Variants in SNX8 observed in about 807,000 individuals in gnomAD.
SNX8 encodes the protein sorting nexin 8, also known as sorting nexin-8.
A neutral mutation model predicts 51.6 loss-of-function variants in SNX8; 25 were observed. The ratio of observed to expected loss-of-function variants is 0.48; its 90% CI spans 0.35 to 0.68. SNX8 has a LOEUF of 0.68. SNX8 is among the 30% of genes least tolerant of loss of function. The probability of loss-of-function intolerance (pLI) is 0.00; values close to 1 mark genes in which losing one functional copy is unlikely to be tolerated. For synonymous variants in SNX8, 324 were observed against 277.0 expected, an observed-to-expected ratio of 1.17 and a Z score of -1.68; for missense variants, 695 against 624.0, an observed-to-expected ratio of 1.11 and a Z score of -1.21.
intron 1 of SNX8, among the ~76,000 whole-genome samples, chr7:2,329,913 C>T (rs1257856263): frequency 6.6e-6 from 1 of 151,146 alleles, no homozygotes; most frequent in African/African-American, 2.4e-5. Flanking sequence ...CCGCAACCTC[C>T]GCCTCCTGGG....
At chr7:2,321,490 G>T (rs1165626535) in intron 1 of SNX8, among the ~76,000 whole-genome samples, 1 of 149,192 alleles carries the variant, frequency 6.7e-6, no homozygotes, top group African/African-American at 2.5e-5. Context: ...GCAGTGGCGT[G>T]ATCTCAGCTC....
At chr7:2,332,068 A>G (rs1778746453) in intron 1 of SNX8, among the ~76,000 whole-genome samples, 1 of 151,766 alleles carries the variant, frequency 6.6e-6, no homozygotes, top group Non-Finnish European at 1.5e-5. Context: ...TTAAATGGGC[A>G]TGTCGGCTTG....
intron 1 of SNX8, among the ~76,000 whole-genome samples, chr7:2,351,601 G>A (rs1230109202): frequency 6.6e-6 from 1 of 151,810 alleles, no homozygotes; most frequent in Non-Finnish European, 1.5e-5. Flanking sequence ...GGGAGGCCAA[G>A]GCGGGCGGAT....
chr7:2,301,963 C>T (rs1412910054), intron 1 of SNX8, among the ~76,000 whole-genome samples: 2 of 152,150 alleles, frequency 1.3e-5, no homozygotes, highest in Non-Finnish European at 2.9e-5. Context: ...TGGGGATCGG[C>T]CAGGCGCGGT....
rs190419154 is a variant in SNX8, at chr7:2,339,128, T to G, written c.-66+15094A>C. ...TCTTGCTATGGTGTCCTGACTGATC[T>G]CCTAGTCTCAAGCAAACCTCTCATC... On this transcript the variant is annotated intron_variant, in intron 1 of 5. Transcript: ENST00000435336. 5.9e-5 allele frequency among the ~76,000 whole-genome samples: 9 copies of G among 152,296 alleles called. No homozygotes were observed. In the East Asian group the frequency reaches 1.7e-3, roughly 29 times the overall value.
At position 2,264,346 on chromosome 7, in the gene SNX8, C is replaced by T. The variant is rs771282839; in HGVS notation, c.734G>A (p.Arg245Gln). ...AAGATCTGCCGCATTGTCGATGGCC[C>T]GCGATGCGATCCGCTCGGCCCTGTC... ...LRDRAERIASRAIDNAADLLI... is the reference protein window; with the variant it reads ...LRDRAERIASQAIDNAADLLI... Residue 245 changes from arginine to glutamine, a missense_variant, in exon 6 of 11, where the codon CGG (arginine) becomes CAG (glutamine). Coordinates refer to ENST00000222990, the MANE Select transcript of SNX8 (RefSeq NM_013321.4). The T allele has an allele frequency of 3.6e-5, 58 of 1,612,920 alleles. No homozygotes were observed. The highest frequency in any genetic ancestry group is 3.6e-5 in the Non-Finnish European group (42 of 1,179,890).
intron 1 of SNX8, among the ~76,000 whole-genome samples, chr7:2,299,942 T>A (rs970185034): frequency 6.6e-6 from 1 of 152,094 alleles, no homozygotes; most frequent in Non-Finnish European, 1.5e-5. Flanking sequence ...CCTTGATTGA[T>A]CTATGGCAAG....
chr7:2,294,831 G>C (rs1796235237), intron 1 of SNX8, among the ~76,000 whole-genome samples: 1 of 151,882 alleles, frequency 6.6e-6, no homozygotes, highest in African/African-American at 2.4e-5. Flanking sequence ...GCCAGGAGCT[G>C]GAGACCAGCC....
chr7:2,284,325 C>T (rs1474548482), intron 1 of SNX8, among the ~76,000 whole-genome samples: 1 of 151,366 alleles, frequency 6.6e-6, no homozygotes, highest in Admixed American at 6.6e-5. Context: ...AGAAGGAATT[C>T]GATCCCTTGT....
chr7:2,308,536 C>T (rs1796595576), intron 1 of SNX8, among the ~76,000 whole-genome samples: 1 of 151,680 alleles, frequency 6.6e-6, no homozygotes, highest in Non-Finnish European at 1.5e-5. Context: ...GGCATGGTGG[C>T]ACACGCCTGT....
chr7:2,345,224 A>C (rs1355152837), intron 1 of SNX8, among the ~76,000 whole-genome samples: 1 of 152,210 alleles, frequency 6.6e-6, no homozygotes, highest in Non-Finnish European at 1.5e-5. Context: ...AGTGAATAAG[A>C]AATTGTGATA....
intron 3 of SNX8, among the ~76,000 whole-genome samples, chr7:2,274,257 G>T (rs570508359): frequency 2.6e-5 from 4 of 152,228 alleles, no homozygotes; most frequent in Non-Finnish European, 2.9e-5. Flanking sequence ...CTCAGTGACC[G>T]ATGAGAGGCA....
chr7:2,269,477 C>G (rs1435264625), intron 5 of SNX8, 82 bp downstream of exon 5: 1 of 732,922 alleles, frequency 1.4e-6, no homozygotes, highest in East Asian at 3.1e-5. Context: ...CCTGCCAAAT[C>G]CCCCTCTGCG....
At chr7:2,281,517 G>A (rs1368491451) in intron 1 of SNX8, among the ~76,000 whole-genome samples, 1 of 151,970 alleles carries the variant, frequency 6.6e-6, no homozygotes. Context: ...ACCAGGAGGA[G>A]GAGCCCGGCT....
At chr7:2,331,541 T>C (rs1366534177) in intron 1 of SNX8, among the ~76,000 whole-genome samples, 1 of 151,536 alleles carries the variant, frequency 6.6e-6, no homozygotes, top group Non-Finnish European at 1.5e-5. Context: ...CCGTCTCCAC[T>C]AAAAATACAA....
rs546869626 is a variant in SNX8, at chr7:2,274,128, T to A, written c.418+984A>T. ...GCCAGCATCACACATCCCTGTCGCG[T>A]CCTCTGCTCTCTGCTGCCCTGAGCG... is the stretch of plus-strand genomic sequence containing the variant. On this transcript the variant is annotated intron_variant, in intron 3 of 10. Transcript: ENST00000222990. Among the ~76,000 whole-genome samples, 12 of 152,330 alleles carry A rather than the reference T, an allele frequency of 7.9e-5. No individual in the cohort carries two copies. In the South Asian group the frequency reaches 2.5e-3, roughly 32 times the overall value.
At chr7:2,276,991 C>G (rs1383216597) in intron 2 of SNX8, among the ~76,000 whole-genome samples, 9 of 152,252 alleles carry the variant, frequency 5.9e-5, no homozygotes, top group Non-Finnish European at 2.9e-5. Flanking sequence ...CCAGGACCAT[C>G]TGCTCATGAC....
chr7:2,298,290 T>C (rs1021137936), intron 1 of SNX8, among the ~76,000 whole-genome samples: 3 of 151,934 alleles, frequency 2.0e-5, no homozygotes, highest in African/African-American at 7.3e-5. Context: ...GCTAACTTTT[T>C]ATTTTTTTTG....
chr7:2,309,624 A>G (rs559986096), intron 1 of SNX8, among the ~76,000 whole-genome samples: 3 of 152,102 alleles, frequency 2.0e-5, no homozygotes, highest in East Asian at 3.9e-4. Flanking sequence ...CCAGCTACTC[A>G]GGAGGCTGAG....
Sources: allele counts gnomAD v4.1 joint callset (sites outside exome capture counted in the v4.1 genomes callset), GRCh38; gene constraint gnomAD v4.1.1; transcripts MANE v1.5; gene names NCBI Gene and HGNC (gene_info 2026-07-23, HGNC 2026-07-21).